HPCAL1: variants seen among roughly 807,000 people sequenced by gnomAD.
HPCAL1 encodes the protein hippocalcin-like protein 1.
HPCAL1 carries 8 observed loss-of-function variants against 17.1 expected under a neutral mutation model. The observed-to-expected ratio is 0.47, with a 90% CI of 0.27 to 0.84. HPCAL1 has a LOEUF of 0.84. HPCAL1 is among the 40% of genes least tolerant of loss of function. The pLI is 0.13. For synonymous variants in HPCAL1, 112 were observed against 111.4 expected (o/e 1.01, Z -0.03); for missense variants, 165 against 271.1 (o/e 0.61, Z 2.75).
chr2:10,399,713 C>T (rs954897713), intron 2 of HPCAL1, among the ~76,000 whole-genome samples: 1 of 152,142 alleles, frequency 6.6e-6, no homozygotes, highest in Non-Finnish European at 1.5e-5. Context: ...TTCCGCTTCT[C>T]TCTGCCCCTG....
rs1662496613 is a variant in HPCAL1, at chr2:10,304,546, A to G, written c.-111+1369A>G. Among the ~76,000 whole-genome samples, 2 of 152,084 alleles carry G rather than the reference A, an allele frequency of 1.3e-5. No individual in the cohort carries two copies. The highest frequency in any genetic ancestry group is 2.9e-5 in the Non-Finnish European group (2 of 68,006). ...GCCAGCCTCATGCCGGGGGTGCCAC[A>G]TGGGACACCTCCTCCTAGTCCCACA... On this transcript the variant is annotated intron_variant, in intron 1 of 4. Coordinates refer to ENST00000307845, the MANE Select transcript of HPCAL1 (RefSeq NM_002149.4). The surrounding 1 kb of genome is among the most constrained non-coding windows in gnomAD (Gnocchi z 4.1).
chr2:10,424,384 C>T (rs978988935), intron 4 of HPCAL1: 8 of 416,112 alleles, frequency 1.9e-5, no homozygotes, highest in East Asian at 7.3e-5. Context: ...CACCTGCTGC[C>T]GCTCTCCTGA....
chr2:10,423,231 C>T (rs1195741919), intron 4 of HPCAL1, 143 bp downstream of exon 4: 1 of 669,872 alleles, frequency 1.5e-6, no homozygotes, highest in South Asian at 1.7e-5. Flanking sequence ...CCTGCCATGC[C>T]CAGGGAAGAG....
intron 1 of HPCAL1, among the ~76,000 whole-genome samples, chr2:10,322,320 G>A (rs1663718775): frequency 1.3e-5 from 2 of 152,198 alleles, no homozygotes. Context: ...ACTGCACCCA[G>A]CCACAGTTTT....
At position 10,420,098 on chromosome 2, in the gene HPCAL1, G is replaced by T; in HGVS notation, c.341G>T (p.Gly114Val). 1 of 1,613,048 alleles carries T rather than the reference G, an allele frequency of 6.2e-7. No individual in the cohort carries two copies. The highest frequency in any genetic ancestry group is 8.5e-7 in the Non-Finnish European group (1 of 1,179,742). Reference sequence around the variant, plus strand: ...AGCATGTACGACCTGGACGGCAACGGCTACATCAGCCGCAGCGAGATGCTG... The same window carrying T: ...AGCATGTACGACCTGGACGGCAACGTCTACATCAGCCGCAGCGAGATGCTG... ...AFSMYDLDGNGYISRSEMLEI... is the reference protein window; with the variant it reads ...AFSMYDLDGNVYISRSEMLEI... The change falls in exon 3 of 5, where the codon GGC becomes GTC. Residue 114 changes from glycine to valine, a missense_variant. Gly to Val is a moderately radical substitution (Grantham distance 109). Coordinates refer to ENST00000307845, the MANE Select transcript of HPCAL1 (RefSeq NM_002149.4).
intron 3 of HPCAL1, 74 bp downstream of exon 3, chr2:10,420,209 C>CT (rs369044166): frequency 0.15 from 85,249 of 559,556 alleles, 1,235 homozygotes; most frequent in African/African-American, 0.2. Flanking sequence ...CAGCCCAGGG[C>CT]TTTTTTTTTT....
intron 2 of HPCAL1, among the ~76,000 whole-genome samples, chr2:10,417,665 G>A (rs1460574415): frequency 1.3e-5 from 2 of 152,178 alleles, no homozygotes; most frequent in Non-Finnish European, 2.9e-5. Context: ...GCACAGGTGG[G>A]AGTATCATTA....
chr2:10,427,170 A>G lies in HPCAL1; in HGVS notation c.*349A>G, dbSNP rs1284265410. The G allele has an allele frequency of 1.2e-5, 3 of 256,800 alleles. No homozygotes were observed. Among genetic ancestry groups the G allele is most frequent in the South Asian group, 5.1e-5 (1 of 19,602 alleles). 15.9% of individuals were successfully genotyped at this position (256,800 alleles called of 1,614,324 possible). A position where few individuals can be genotyped will look rare whatever the true frequency, so the allele number is the denominator to read the frequency against. On this transcript the variant is annotated 3_prime_UTR_variant, in exon 5 of 5. Transcript: ENST00000307845. Reference sequence around the variant, plus strand: ...CCCGAGGCTGCGCCCCGGCCGGCCCATGCGTTTTGTGATCCCAAGTGACTC... The same window carrying G: ...CCCGAGGCTGCGCCCCGGCCGGCCCGTGCGTTTTGTGATCCCAAGTGACTC...
In HPCAL1 at chr2:10,409,581, C is replaced by T. The variant is rs532046433; in HGVS notation, c.-24-10153C>T. 4.6e-5 allele frequency among the ~76,000 whole-genome samples: 7 copies of T among 152,182 alleles called. 1 individual carries two copies. The highest frequency in any genetic ancestry group is 3.9e-4 in the East Asian group (2 of 5,178). On this transcript the variant is annotated intron_variant, in intron 2 of 4. Transcript: ENST00000307845. Reference sequence around the variant, plus strand: ...GGGGCCGTGTGGGTCCAGCGGTCACCGGGAGAAAGAACTGGGTTGGGTGCT... The same window carrying T: ...GGGGCCGTGTGGGTCCAGCGGTCACTGGGAGAAAGAACTGGGTTGGGTGCT...
At chr2:10,364,003 A>C (rs1489726870) in intron 1 of HPCAL1, among the ~76,000 whole-genome samples, 2 of 152,154 alleles carry the variant, frequency 1.3e-5, no homozygotes, top group Non-Finnish European at 2.9e-5. Context: ...AGGGAAGGGC[A>C]CTGGTCCCAG....
At chr2:10,400,526 C>T (rs932865813) in intron 2 of HPCAL1, among the ~76,000 whole-genome samples, 2 of 152,208 alleles carry the variant, frequency 1.3e-5, no homozygotes, top group Admixed American at 6.5e-5. Flanking sequence ...CTCAGAGAGC[C>T]ATCTGAGCGG....
chr2:10,404,496 G>A (rs934346926), intron 2 of HPCAL1, among the ~76,000 whole-genome samples: 2 of 152,180 alleles, frequency 1.3e-5, no homozygotes, highest in Non-Finnish European at 1.5e-5. Context: ...AGGATGCTGC[G>A]TTTCCTTTTA....
chr2:10,306,406 G>A (rs1662622518), intron 1 of HPCAL1, among the ~76,000 whole-genome samples: 1 of 152,150 alleles, frequency 6.6e-6, no homozygotes, highest in South Asian at 2.1e-4. Flanking sequence ...TCTACTTTGG[G>A]GCTCCCTGCT....
chr2:10,326,673 T>C (rs1162657239), intron 1 of HPCAL1, among the ~76,000 whole-genome samples: 1 of 152,186 alleles, frequency 6.6e-6, no homozygotes, highest in Non-Finnish European at 1.5e-5. Context: ...GCCCCTTGCA[T>C]GAGGAGGGAT....
In HPCAL1 at chr2:10,343,633, C is replaced by T. The variant is rs1665230262; in HGVS notation, c.-111+40456C>T. Among the ~76,000 whole-genome samples, 1 of 152,258 alleles carries T rather than the reference C, an allele frequency of 6.6e-6. No homozygotes were observed. Among genetic ancestry groups the T allele is most frequent in the African/African-American group, 2.4e-5 (1 of 41,456 alleles). ...TTGCAAGCTGCCACTGCTTTGACTG[C>T]AGACACTGGATTGACCGTGGCCAAT... is the stretch of plus-strand genomic sequence containing the variant. On this transcript the variant is annotated intron_variant, in intron 1 of 4. Coordinates refer to ENST00000307845, the MANE Select transcript of HPCAL1 (RefSeq NM_002149.4). The surrounding 1 kb of genome is among the most constrained non-coding windows in gnomAD (Gnocchi z 4.8).
At chr2:10,403,454 TTGTGTGTGTGTGTGTGTG>T (rs70948890) in intron 2 of HPCAL1, among the ~76,000 whole-genome samples, 7 of 65,106 alleles carry the variant, frequency 1.1e-4, no homozygotes, top group South Asian at 5.7e-4. Context: ...AAGAGTTCTT[TTGTGTGTGTGTGTGTGTG>T]TGTGTGTGTG....
chr2:10,308,425 C>T (rs893531108), intron 1 of HPCAL1, among the ~76,000 whole-genome samples: 1 of 152,140 alleles, frequency 6.6e-6, no homozygotes. Context: ...CTCCCTGTCC[C>T]CGTCCTCAAG....
rs975365474 is a variant in HPCAL1, at chr2:10,304,304, C to T, written c.-111+1127C>T. Among the ~76,000 whole-genome samples, 128 of 152,366 alleles carry T rather than the reference C, an allele frequency of 8.4e-4. 1 individual carries two copies. The highest frequency in any genetic ancestry group is 3.0e-3 in the African/African-American group (126 of 41,590). On this transcript the variant is annotated intron_variant, in intron 1 of 4. Transcript: ENST00000307845. This position sits in a 1 kb window ranked among gnomAD's most constrained non-coding sequence, Gnocchi z 4.1. ...CCTAGTCCGGGAGGATGCAGCTCAG[C>T]TCGTGGAGTCCGAGAGTCACGGCGT... is the stretch of plus-strand genomic sequence containing the variant.
intron 3 of HPCAL1, among the ~76,000 whole-genome samples, chr2:10,421,736 A>G (rs1319483257): frequency 6.6e-6 from 1 of 151,718 alleles, no homozygotes; most frequent in Non-Finnish European, 1.5e-5. Flanking sequence ...AAAAAATGGA[A>G]CTCTTCAGAA....
Sources: gnomAD v4.1 joint callset for allele counts (sites outside exome capture counted in the v4.1 genomes callset) on GRCh38, gnomAD v4.1.1 for gene constraint, Gnocchi (gnomAD v3.1) non-coding constraint, MANE v1.5 for transcripts, NCBI Gene and HGNC (gene_info 2026-07-23, HGNC 2026-07-21) for gene names.